Variants in ZBTB10 observed in about 807,000 individuals in gnomAD.
ZBTB10 encodes the protein zinc finger and BTB domain-containing protein 10.
Under a neutral mutation model 76.4 loss-of-function variants are expected in ZBTB10, and 32 were observed. The observed-to-expected ratio is 0.42, with a 90% CI of 0.32 to 0.56. The LOEUF is 0.56. Ranked by LOEUF, ZBTB10 falls within the 20% of genes least tolerant of loss-of-function variation. ZBTB10 has a pLI of 0.14. For missense variants in ZBTB10, 1,057 were observed against 1,098.5 expected (o/e 0.96, Z 0.53); for synonymous variants, 523 against 432.9 (o/e 1.21, Z -2.58).
In ZBTB10 at chr8:80,499,853, C is replaced by T. The variant is rs1055432743; in HGVS notation, c.1332C>T (p.Ser444=). The T allele has an allele frequency of 2.5e-6, 4 of 1,613,836 alleles. No homozygotes were observed. The highest frequency in any genetic ancestry group is 3.4e-6 in the Non-Finnish European group (4 of 1,179,872). The part of the protein sequence containing the change: ...QNAIEVMTVA[S]YLQMSEVVQT... ...CCATTGAAGTTATGACCGTGGCCAGCTATCTTCAAATGAGTGAAGTTGTTC... is the reference window on the plus strand; with the variant it reads ...CCATTGAAGTTATGACCGTGGCCAGTTATCTTCAAATGAGTGAAGTTGTTC... Residue 444 remains serine, a synonymous_variant, in exon 2 of 6, where the codon AGC becomes AGT. Transcript: ENST00000455036.
At chr8:80,497,596 T>G (rs1192008363) in intron 1 of ZBTB10, among the ~76,000 whole-genome samples, 4 of 152,056 alleles carry the variant, frequency 2.6e-5, no homozygotes, top group African/African-American at 9.7e-5. Flanking sequence ...GTGTGCTTCA[T>G]TCTGTAGTGA....
At chr8:80,503,639 C>T (rs969124751) in intron 2 of ZBTB10, among the ~76,000 whole-genome samples, 6 of 152,112 alleles carry the variant, frequency 3.9e-5, no homozygotes, top group Non-Finnish European at 7.3e-5. Context: ...GCCTCAGCTT[C>T]CCAGGTAGCT....
At chr8:80,502,969 A>G (rs546343857) in intron 2 of ZBTB10, among the ~76,000 whole-genome samples, 14 of 152,268 alleles carry the variant, frequency 9.2e-5, no homozygotes, top group Admixed American at 3.3e-4. Flanking sequence ...GTGGATTCCA[A>G]TTTAATTGGT....
At chr8:80,485,920 C>T (rs1262881748), upstream of ZBTB10, 6 of 1,524,264 alleles carry the variant, frequency 3.9e-6, no homozygotes, top group Non-Finnish European at 5.3e-6. Flanking sequence ...CAGACCCTGA[C>T]ACTCGCCAGC....
At chr8:80,498,739 A>C (rs1585845704) in intron 1 of ZBTB10, among the ~76,000 whole-genome samples, 1 of 152,368 alleles carries the variant, frequency 6.6e-6, no homozygotes, top group Admixed American at 6.5e-5. Flanking sequence ...TATATCACAT[A>C]ATTTTAATTG....
intron 2 of ZBTB10, among the ~76,000 whole-genome samples, chr8:80,502,567 T>G (rs1209988360): frequency 6.6e-6 from 1 of 152,184 alleles, no homozygotes; most frequent in Admixed American, 6.5e-5. Flanking sequence ...ATTTCATTGA[T>G]ACCAGTTTGG....
intron 1 of ZBTB10, among the ~76,000 whole-genome samples, chr8:80,493,229 A>G (rs1815690350): frequency 6.7e-6 from 1 of 150,056 alleles, no homozygotes; most frequent in Non-Finnish European, 1.5e-5. Flanking sequence ...ACACACACAC[A>G]CACACACACA....
intron 2 of ZBTB10, among the ~76,000 whole-genome samples, chr8:80,503,478 C>T (rs922226610): frequency 1.3e-5 from 2 of 151,768 alleles, no homozygotes; most frequent in African/African-American, 4.8e-5. Context: ...CTAATTCTGT[C>T]GTTGGGAATA....
chr8:80,498,461 T>A (rs1389387829), intron 1 of ZBTB10, among the ~76,000 whole-genome samples: 1 of 152,252 alleles, frequency 6.6e-6, no homozygotes, highest in African/African-American at 2.4e-5. Flanking sequence ...AAGCAATTTT[T>A]CTCTTGGGAA....
intron 1 of ZBTB10, 79 bp from the exon 2 acceptor site, chr8:80,499,413 CTT>C: frequency 7.2e-7 from 1 of 1,386,850 alleles, no homozygotes; most frequent in Non-Finnish European, 9.6e-7. Context: ...TTTTTAAAAA[CTT>C]GATAATTGTT....
At chr8:80,517,871 CTTTTTTTTTT>C (rs773074047) in intron 3 of ZBTB10, among the ~76,000 whole-genome samples, 1 of 76,854 alleles carries the variant, frequency 1.3e-5, no homozygotes, top group Non-Finnish European at 2.3e-5. Context: ...CGCCCGCCAC[CTTTTTTTTTT>C]TTTTTTTTTT....
chr8:80,493,224 C>A (rs1203639832), intron 1 of ZBTB10, among the ~76,000 whole-genome samples: 13 of 149,850 alleles, frequency 8.7e-5, no homozygotes, highest in African/African-American at 3.3e-4. Context: ...CACACACACA[C>A]ACACACACAC....
At position 80,493,207 on chromosome 8, in the gene ZBTB10, G is replaced by GCGCACACACACA. The variant is rs375071529; in HGVS notation, c.972+5426_972+5427insGCACACACACAC. Among the ~76,000 whole-genome samples the GCGCACACACACA allele has an allele frequency of 1.3e-3, 157 of 125,280 alleles. 1 individual carries two copies. Among genetic ancestry groups the GCGCACACACACA allele is most frequent in the East Asian group, 8.9e-3 (37 of 4,164 alleles). The allele number at this position is 125,280 out of a possible 152,430, so 82.2% of individuals were successfully genotyped here. ...TGTGCCTCAAAACGCGCGCGCGCGC[G>GCGCACACACACA]CACACACACACACACACACACACAC... is the stretch of plus-strand genomic sequence containing the variant. On this transcript the variant is annotated intron_variant, in intron 1 of 5. Coordinates refer to ENST00000455036, the MANE Select transcript of ZBTB10 (RefSeq NM_001105539.3).
chr8:80,499,353 T>G, intron 1 of ZBTB10, 141 bp from the exon 2 acceptor site: 1 of 887,264 alleles, frequency 1.1e-6, no homozygotes, highest in South Asian at 2.5e-5. Flanking sequence ...GCACCACCAC[T>G]GTTCACTCCA....
intron 2 of ZBTB10, among the ~76,000 whole-genome samples, chr8:80,512,805 A>G (rs1816228439): frequency 6.6e-6 from 1 of 152,166 alleles, no homozygotes; most frequent in Non-Finnish European, 1.5e-5. Flanking sequence ...TTTCTCAAAA[A>G]GATTGTCAGT....
In ZBTB10 at chr8:80,499,778, C is replaced by G; in HGVS notation, c.1257C>G (p.Val419=). The stretch of plus-strand genomic sequence containing the variant: ...TTGCTGCAGTTCAAGGTTTTTCAGT[C>G]ATCTTGGACTTCTTGTATTCTGGTA... ...LDIAAVQGFS[V]ILDFLYSGNL... The change falls in exon 2 of 6, where the codon GTC becomes GTG. Residue 419 remains valine (V), a synonymous_variant. Coordinates refer to ENST00000455036, the MANE Select transcript of ZBTB10 (RefSeq NM_001105539.3). 6.2e-7 allele frequency: 1 copy of G among 1,613,994 alleles called. No individual in the cohort carries two copies. Among genetic ancestry groups the G allele is most frequent in the Non-Finnish European group, 8.5e-7 (1 of 1,179,882 alleles).
intron 2 of ZBTB10, among the ~76,000 whole-genome samples, chr8:80,510,639 AGTGTGTGTGTGTGT>A (rs58749656): frequency 0.012 from 1,448 of 125,780 alleles, 31 homozygotes; most frequent in Non-Finnish European, 0.012. Context: ...TTGTGAAACC[AGTGTGTGTGTGTGT>A]GTGTGTGTGT....
At chr8:80,518,329 AT>A (rs1277524518) in intron 3 of ZBTB10, 73 bp from the exon 4 acceptor site, 1 of 1,360,512 alleles carries the variant, frequency 7.4e-7, no homozygotes, top group African/African-American at 1.5e-5. Flanking sequence ...TATAAATATA[AT>A]TTCTGTTTTC....
intron 2 of ZBTB10, among the ~76,000 whole-genome samples, chr8:80,506,913 T>C (rs991163926): frequency 6.9e-6 from 1 of 145,792 alleles, no homozygotes; most frequent in Admixed American, 6.8e-5. Flanking sequence ...TTTAATTTCA[T>C]TTTTCATTAG....
Sources: allele counts gnomAD v4.1 joint callset (sites outside exome capture counted in the v4.1 genomes callset), GRCh38; gene constraint gnomAD v4.1.1; transcripts MANE v1.5; gene names NCBI Gene and HGNC (gene_info 2026-07-23, HGNC 2026-07-21).